TACC2: variants seen among roughly 807,000 people sequenced by gnomAD.
The protein encoded by TACC2 is transforming acidic coiled-coil containing protein 2.
In TACC2, 137 loss-of-function variants were observed where a neutral mutation model predicts 227.3. The observed-to-expected ratio is 0.60, with a 90% confidence interval of 0.52 to 0.69. The LOEUF (loss-of-function observed/expected upper bound fraction) is 0.69, where lower values mean the gene tolerates loss of function less well. TACC2 is among the 30% of genes least tolerant of loss of function. The pLI is 0.00. For missense variants in TACC2, 3,470 were observed against 3,694.4 expected (o/e 0.94, Z 1.57); for synonymous variants, 1,523 against 1,487.5 (o/e 1.02, Z -0.55).
At chr10:122,122,479 T>A (rs946617897) in intron 5 of TACC2, among the ~76,000 whole-genome samples, 22 of 142,878 alleles carry the variant, frequency 1.5e-4, no homozygotes, top group South Asian at 1.4e-3. Context: ...AGTATTTTTT[T>A]AAAAATAATT....
At chr10:122,230,875 C>T (rs2095729288) in intron 16 of TACC2, among the ~76,000 whole-genome samples, 1 of 152,070 alleles carries the variant, frequency 6.6e-6, no homozygotes, top group African/African-American at 2.4e-5. Context: ...TGCAAGTTAA[C>T]ATCTGACTTT....
chr10:122,157,798 C>T (rs746072643), intron 7 of TACC2, among the ~76,000 whole-genome samples: 4 of 151,560 alleles, frequency 2.6e-5, no homozygotes, highest in Non-Finnish European at 5.9e-5. Context: ...CTACCATTTC[C>T]GTCTCAAAAG....
intron 7 of TACC2, chr10:122,163,620 C>G: frequency 9.8e-7 from 1 of 1,021,644 alleles, no homozygotes; most frequent in Non-Finnish European, 1.2e-6. Flanking sequence ...GCCTTTCGGA[C>G]CACACCGGCG....
chr10:122,226,187 C>G (rs1452932467), intron 12 of TACC2, among the ~76,000 whole-genome samples, 179 bp from the exon 13 acceptor site: 1 of 152,194 alleles, frequency 6.6e-6, no homozygotes, highest in African/African-American at 2.4e-5. Context: ...CCCTCCTGGC[C>G]TCCCCACCTC....
intron 2 of TACC2, among the ~76,000 whole-genome samples, chr10:122,049,454 C>T (rs939583555): frequency 2.0e-5 from 3 of 152,188 alleles, no homozygotes; most frequent in African/African-American, 2.4e-5. Flanking sequence ...CTCATGTACA[C>T]TCCAGTGGGC....
intron 7 of TACC2, among the ~76,000 whole-genome samples, chr10:122,176,111 C>T (rs1328648618): frequency 1.6e-5 from 1 of 62,386 alleles, no homozygotes; most frequent in Non-Finnish European, 2.9e-5. Flanking sequence ...CTCTCTCTCT[C>T]TCTCTCTATA....
At chr10:122,212,823 T>G (rs1014534630) in intron 9 of TACC2, among the ~76,000 whole-genome samples, 1 of 152,168 alleles carries the variant, frequency 6.6e-6, no homozygotes, top group Non-Finnish European at 1.5e-5. Flanking sequence ...GGACTTTGTT[T>G]TAGATCAGTT....
chr10:122,238,063 C>T (rs554902315), intron 18 of TACC2, 26 bp downstream of exon 18: 28 of 1,590,642 alleles, frequency 1.8e-5, no homozygotes, highest in East Asian at 1.6e-4. Flanking sequence ...GGGCCTTCCT[C>T]GTGCCTGAGG....
In TACC2 at chr10:122,083,193, A is replaced by G; in HGVS notation, c.693A>G (p.Ala231=). Residue 231 remains alanine (A), a synonymous_variant, in exon 4 of 23, where the codon GCA becomes GCG. Transcript: ENST00000369005. ...GGFESQEKEA[A]GGFPPAESRQ... is the part of the protein sequence containing the mutation. Reference sequence around the variant, plus strand: ...TTGAGTCCCAAGAGAAAGAGGCTGCAGGTGGCTTTCCCCCTGCAGAGTCCA... The same window carrying G: ...TTGAGTCCCAAGAGAAAGAGGCTGCGGGTGGCTTTCCCCCTGCAGAGTCCA... 36 of 1,613,448 alleles carry G rather than the reference A, an allele frequency of 2.2e-5. No homozygotes were observed. The highest frequency in any genetic ancestry group is 2.9e-5 in the Non-Finnish European group (34 of 1,180,012).
chr10:122,067,093 A>C lies in TACC2; in HGVS notation c.147-15554A>C, dbSNP rs369218588. 2.0e-5 allele frequency among the ~76,000 whole-genome samples: 3 copies of C among 152,364 alleles called. No individual in the cohort carries two copies. The South Asian group carries it at 6.2e-4, about 32-fold the overall frequency. ...AAAGAGATTTAAGTAACAAGGAAAAAGAGACTGTATTTACTTGCATAGTTA... is the reference window on the plus strand; with the variant it reads ...AAAGAGATTTAAGTAACAAGGAAAACGAGACTGTATTTACTTGCATAGTTA... On this transcript the variant is annotated intron_variant, in intron 3 of 22. Transcript: ENST00000369005.
At chr10:121,996,174 C>G (rs1431088067) in intron 1 of TACC2, among the ~76,000 whole-genome samples, 1 of 152,140 alleles carries the variant, frequency 6.6e-6, no homozygotes, top group Non-Finnish European at 1.5e-5. Context: ...CCACCTCAGC[C>G]CCCCGAGTAG....
At chr10:122,221,431 G>C (rs1377561184) in intron 11 of TACC2, among the ~76,000 whole-genome samples, 1 of 152,146 alleles carries the variant, frequency 6.6e-6, no homozygotes, top group African/African-American at 2.4e-5. Context: ...GTGACTCTTT[G>C]GTGGTCACCC....
At position 122,210,831 on chromosome 10, in the gene TACC2, A is replaced by G; in HGVS notation, c.6406A>G (p.Lys2136Glu). 1.2e-6 allele frequency: 2 copies of G among 1,611,894 alleles called. No homozygotes were observed. The highest frequency in any genetic ancestry group is 1.7e-6 in the Non-Finnish European group (2 of 1,179,524). The stretch of plus-strand genomic sequence containing the variant: ...TAAAAAACCGAGGCCGCCTTCCTTA[A>G]AAAAGAAACAGACCACCAAGAAACC... ...RTKKPRPPSL[K>E]KKQTTKKPTE... is the part of the protein sequence containing the mutation. Residue 2136 changes from lysine to glutamate, a missense_variant, in exon 9 of 23, where the codon AAA (lysine) becomes GAA (glutamate). Around this residue, in one of 10 missense-constraint regions of TACC2, gnomAD observed 593 missense variants for 636.6 expected, o/e 0.93. Transcript: ENST00000369005. The surrounding 1 kb of genome is among the most constrained non-coding windows in gnomAD (Gnocchi z 4.6).
intron 5 of TACC2, among the ~76,000 whole-genome samples, chr10:122,097,185 G>A (rs918009019): frequency 6.6e-6 from 1 of 151,662 alleles, no homozygotes; most frequent in Non-Finnish European, 1.5e-5. Context: ...AAAAATTAGC[G>A]TGGTGTGGTG....
chr10:122,091,720 G>A (rs1024723997), intron 5 of TACC2, among the ~76,000 whole-genome samples: 1 of 152,154 alleles, frequency 6.6e-6, no homozygotes, highest in African/African-American at 2.4e-5. Context: ...GGCTGGTCTC[G>A]GAGGAAGTCC....
chr10:122,162,020 G>T (rs1394598875), intron 7 of TACC2, among the ~76,000 whole-genome samples: 3 of 152,194 alleles, frequency 2.0e-5, no homozygotes, highest in African/African-American at 7.2e-5. Context: ...GTGAGTGACG[G>T]CTTCCCCGGG....
chr10:122,214,599 C>A (rs1016678646), intron 9 of TACC2, among the ~76,000 whole-genome samples: 1 of 152,132 alleles, frequency 6.6e-6, no homozygotes, highest in Non-Finnish European at 1.5e-5. Context: ...TGGAAGTGAC[C>A]CCCAGACTGC....
At chr10:121,997,898 G>A (rs752384723) in intron 1 of TACC2, among the ~76,000 whole-genome samples, 9 of 152,058 alleles carry the variant, frequency 5.9e-5, no homozygotes, top group Admixed American at 3.3e-4. Flanking sequence ...ACAAGCCTAG[G>A]GGAGATTTGT....
At chr10:122,082,292 G>A (rs914634548) in intron 3 of TACC2, among the ~76,000 whole-genome samples, 8 of 152,096 alleles carry the variant, frequency 5.3e-5, no homozygotes, top group African/African-American at 1.7e-4. Context: ...TGGGTGACAG[G>A]GCAAGACCCT....
Sources: allele counts gnomAD v4.1 joint callset (sites outside exome capture counted in the v4.1 genomes callset), GRCh38; gene constraint gnomAD v4.1.1; regional missense constraint gnomAD v4.1.1; non-coding constraint Gnocchi (gnomAD v3.1); transcripts MANE v1.5; gene names NCBI Gene and HGNC (gene_info 2026-07-23, HGNC 2026-07-21).